SLC25A13: variants seen among roughly 807,000 people sequenced by gnomAD.
The protein encoded by SLC25A13 is electrogenic aspartate/glutamate antiporter SLC25A13, mitochondrial.
A neutral mutation model predicts 85.5 loss-of-function variants in SLC25A13; 70 were observed. That is an observed-to-expected ratio of 0.82 (90% CI 0.68 to 1.00). SLC25A13 has a LOEUF of 1.00. SLC25A13 is among the 50% of genes least tolerant of loss of function. The probability of loss-of-function intolerance (pLI) is 0.00; values close to 1 mark genes in which losing one functional copy is unlikely to be tolerated. For missense variants in SLC25A13, 765 were observed against 819.8 expected, an observed-to-expected ratio of 0.93 and a Z score of 0.82; for synonymous variants, 259 against 288.7, an observed-to-expected ratio of 0.90 and a Z score of 1.04.
At chr7:96,252,423 G>T (rs896222432) in intron 3 of SLC25A13, among the ~76,000 whole-genome samples, 6 of 152,164 alleles carry the variant, frequency 3.9e-5, no homozygotes, top group African/African-American at 1.4e-4. Context: ...GGAGAGAGAA[G>T]GCTCAGGAGC....
chr7:96,189,704 A>G (rs761424529), intron 7 of SLC25A13, 30 bp from the exon 8 acceptor site: 1 of 1,585,138 alleles, frequency 6.3e-7, no homozygotes, highest in Non-Finnish European at 8.7e-7. Context: ...AAAGGGAAAG[A>G]TTCAAGAAGA....
chr7:96,127,286 C>A (rs1394368188), intron 15 of SLC25A13, among the ~76,000 whole-genome samples: 1 of 152,152 alleles, frequency 6.6e-6, no homozygotes, highest in Non-Finnish European at 1.5e-5. Context: ...AATTTCAGGA[C>A]CCCCGCTTCG....
At chr7:96,182,406 C>G (rs1191450653) in intron 11 of SLC25A13, among the ~76,000 whole-genome samples, 1 of 152,242 alleles carries the variant, frequency 6.6e-6, no homozygotes, top group African/African-American at 2.4e-5. Flanking sequence ...TCCTGACAGA[C>G]AGCTCTGTCT....
chr7:96,280,103 A>G (rs2116947471), intron 2 of SLC25A13, among the ~76,000 whole-genome samples: 2 of 152,276 alleles, frequency 1.3e-5, no homozygotes, highest in East Asian at 1.9e-4. Context: ...GAGATGTTTC[A>G]GGACCATCCT....
chr7:96,241,957 T>C lies in SLC25A13; in HGVS notation c.213-7040A>G, dbSNP rs372202581. ...TCCCTTTCATCTCCTGCCTGGCTCC[T>C]ATCTCCAGGCCAACTCTGTGGCTAC... On this transcript the variant is annotated intron_variant, in intron 3 of 17. Transcript: ENST00000265631. Among the ~76,000 whole-genome samples, 13 of 152,306 alleles carry C rather than the reference T, an allele frequency of 8.5e-5. No homozygotes were observed. In the South Asian group the frequency reaches 2.7e-3, roughly 32 times the overall value.
At chr7:96,318,538 TTTAGA>T (rs1249665018) in intron 1 of SLC25A13, among the ~76,000 whole-genome samples, 3 of 152,168 alleles carry the variant, frequency 2.0e-5, no homozygotes, top group Non-Finnish European at 4.4e-5. Flanking sequence ...TACTAAGAGT[TTTAGA>T]TTAATGTTCA....
intron 4 of SLC25A13, among the ~76,000 whole-genome samples, chr7:96,218,278 AT>A (rs1795975605): frequency 6.6e-6 from 1 of 152,190 alleles, no homozygotes; most frequent in African/African-American, 2.4e-5. Context: ...ATATGCTAAA[AT>A]TTTGAATGAA....
rs751199034 is a variant in SLC25A13 at position 96,121,374 on chromosome 7, T to C, written c.1845A>G (p.Lys615=). The change falls in exon 18 of 18, where the codon AAA becomes AAG. Residue 615 remains lysine, a synonymous_variant. Coordinates refer to ENST00000265631, the MANE Select transcript of SLC25A13 (RefSeq NM_014251.3). The part of the protein sequence containing the change: ...RWFYIDFGGV[K]PMGSEPVPKS... ...TAGGAACTGGCTCTGATCCCATGGGTTTTCTAAAAGAAGAGAAAACAGAGT... is the reference window on the plus strand; with the variant it reads ...TAGGAACTGGCTCTGATCCCATGGGCTTTCTAAAAGAAGAGAAAACAGAGT... 1.2e-6 allele frequency: 2 copies of C among 1,614,114 alleles called. No individual in the cohort carries two copies. The highest frequency in any genetic ancestry group is 1.3e-5 in the African/African-American group (1 of 75,038).
chr7:96,169,508 T>C (rs1201220968), intron 13 of SLC25A13, among the ~76,000 whole-genome samples: 2 of 152,168 alleles, frequency 1.3e-5, no homozygotes, highest in African/African-American at 4.8e-5. Context: ...TGCAAGTTGT[T>C]CATCCATATA....
At chr7:96,282,803 A>G (rs1798737853) in intron 2 of SLC25A13, among the ~76,000 whole-genome samples, 1 of 152,210 alleles carries the variant, frequency 6.6e-6, no homozygotes, top group African/African-American at 2.4e-5. Context: ...TATGTCTGAA[A>G]ATTGTCACAA....
chr7:96,272,672 G>A (rs1032275813), intron 3 of SLC25A13, among the ~76,000 whole-genome samples: 1 of 152,168 alleles, frequency 6.6e-6, no homozygotes. Context: ...GTTATGAGAC[G>A]CTTTGCCTGT....
At chr7:96,157,454 TGTTGA>T (rs1793326241) in intron 13 of SLC25A13, among the ~76,000 whole-genome samples, 2 of 152,164 alleles carry the variant, frequency 1.3e-5, no homozygotes, top group Non-Finnish European at 2.9e-5. Context: ...ATGACTTCAT[TGTTGA>T]CACTTCTGGT....
intron 3 of SLC25A13, among the ~76,000 whole-genome samples, chr7:96,246,536 A>G (rs1797196070): frequency 6.6e-6 from 1 of 152,220 alleles, no homozygotes; most frequent in Admixed American, 6.5e-5. Flanking sequence ...CTAGTTTGTC[A>G]CTGTTAAAAA....
At chr7:96,231,625 CA>C (rs1333989420) in intron 4 of SLC25A13, among the ~76,000 whole-genome samples, 4 of 151,616 alleles carry the variant, frequency 2.6e-5, no homozygotes, top group African/African-American at 9.7e-5. Context: ...TCGAGAAACT[CA>C]GGCAGGAGAA....
intron 4 of SLC25A13, among the ~76,000 whole-genome samples, chr7:96,226,846 A>C (rs1425173487): frequency 6.6e-6 from 1 of 152,104 alleles, no homozygotes; most frequent in East Asian, 1.9e-4. Flanking sequence ...GTTACAAATG[A>C]CTAGGCAATT....
rs192755243 is a variant in SLC25A13, at chr7:96,258,324, G to A, written c.212+18872C>T. Among the ~76,000 whole-genome samples the A allele has an allele frequency of 1.8e-3, 274 of 152,228 alleles. 7 individuals are homozygous for A. In the East Asian group the frequency reaches 0.018, roughly 10 times the overall value. On this transcript the variant is annotated intron_variant, in intron 3 of 17. Transcript: ENST00000265631. Reference sequence around the variant, plus strand: ...GATTGCATATTTAGAAAACCCCATCGTCTCAGCCCAAAACCTCCTTAAGCT... The same window carrying A: ...GATTGCATATTTAGAAAACCCCATCATCTCAGCCCAAAACCTCCTTAAGCT...
At chr7:96,205,882 G>A (rs1374512408) in intron 5 of SLC25A13, among the ~76,000 whole-genome samples, 1 of 151,820 alleles carries the variant, frequency 6.6e-6, no homozygotes, top group Non-Finnish European at 1.5e-5. Flanking sequence ...GATCCTCACA[G>A]CCACATGGTG....
At chr7:96,209,924 C>T (rs908959236) in intron 4 of SLC25A13, among the ~76,000 whole-genome samples, 3 of 152,076 alleles carry the variant, frequency 2.0e-5, no homozygotes, top group Non-Finnish European at 4.4e-5. Flanking sequence ...TTTCTATGAG[C>T]AAACTGTGCT....
intron 2 of SLC25A13, chr7:96,283,412 T>C (rs1344485818): frequency 2.4e-6 from 1 of 411,172 alleles, no homozygotes. Context: ...TGTAGGCCTT[T>C]TAGAAAACAT....
Sources: gnomAD v4.1 joint callset for allele counts (sites outside exome capture counted in the v4.1 genomes callset) on GRCh38, gnomAD v4.1.1 for gene constraint, MANE v1.5 for transcripts, NCBI Gene and HGNC (gene_info 2026-07-23, HGNC 2026-07-21) for gene names.